Variants in MYOF observed in about 807,000 individuals in gnomAD.
The protein encoded by MYOF is myoferlin, also known as fer-1-like 3, myoferlin.
A neutral mutation model predicts 284.2 loss-of-function variants in MYOF; 244 were observed. The ratio of observed to expected loss-of-function variants is 0.86; its 90% CI spans 0.77 to 0.95. The LOEUF (loss-of-function observed/expected upper bound fraction) is 0.95, where lower values mean the gene tolerates loss of function less well. MYOF is among the 40% of genes least tolerant of loss of function. The probability of loss-of-function intolerance (pLI) is 0.00; values close to 1 mark genes in which losing one functional copy is unlikely to be tolerated. For synonymous variants in MYOF, 904 were observed against 919.7 expected (o/e 0.98, Z 0.31); for missense variants, 2,496 against 2,560.6 (o/e 0.97, Z 0.54).
chr10:93,355,190 G>A (rs1455317117), intron 31 of MYOF, among the ~76,000 whole-genome samples: 1 of 152,228 alleles, frequency 6.6e-6, no homozygotes, highest in Admixed American at 6.5e-5. Context: ...CATCAAGGAT[G>A]AAAATGAAAG....
chr10:93,338,400 A>ACCC (rs1418529104), intron 39 of MYOF: 6 of 456,606 alleles, frequency 1.3e-5, no homozygotes, highest in Non-Finnish European at 2.6e-5. Context: ...TATAAGCCAT[A>ACCC]CCCTTATGTT....
At chr10:93,450,542 C>G (rs1255236642) in intron 3 of MYOF, among the ~76,000 whole-genome samples, 1 of 152,150 alleles carries the variant, frequency 6.6e-6, no homozygotes, top group Non-Finnish European at 1.5e-5. Context: ...CCACTGCACT[C>G]CAGCCTGGGT....
intron 7 of MYOF, among the ~76,000 whole-genome samples, chr10:93,408,305 T>G (rs1391852560): frequency 6.6e-6 from 1 of 152,138 alleles, no homozygotes; most frequent in Non-Finnish European, 1.5e-5. Flanking sequence ...ATCCCAGCAC[T>G]TTGTTGGCGG....
rs187147696 is a variant in MYOF, at chr10:93,339,767, C to G, written c.4338+386G>C. On this transcript the variant is annotated intron_variant, in intron 39 of 53. Coordinates refer to ENST00000359263, the MANE Select transcript of MYOF (RefSeq NM_013451.4). ...TATAGGCGTGAGCCACTGTGCCCGGCCCCCCTAGATTTAGAAAAAAATTAT... is the reference window on the plus strand; with the variant it reads ...TATAGGCGTGAGCCACTGTGCCCGGGCCCCCTAGATTTAGAAAAAAATTAT... Among the ~76,000 whole-genome samples the G allele has an allele frequency of 5.7e-3, 871 of 152,094 alleles. 10 individuals are homozygous for G. The highest frequency in any genetic ancestry group is 0.02 in the African/African-American group (827 of 41,542).
intron 3 of MYOF, among the ~76,000 whole-genome samples, chr10:93,433,150 TTTTA>T (rs111782136): frequency 2.0e-5 from 3 of 151,702 alleles, no homozygotes; most frequent in African/African-American, 7.3e-5. Context: ...ATTTAGAATG[TTTTA>T]TTTATTTATT....
At chr10:93,446,697 G>C (rs192972046) in intron 3 of MYOF, among the ~76,000 whole-genome samples, 1 of 151,746 alleles carries the variant, frequency 6.6e-6, no homozygotes, top group African/African-American at 2.4e-5. Flanking sequence ...AACAATTCCC[G>C]TCATCATAAT....
At chr10:93,337,470 TGTG>T in intron 40 of MYOF, 1 of 226,674 alleles carries the variant, frequency 4.4e-6, no homozygotes, top group Non-Finnish European at 8.6e-6. Context: ...GTTGACATCT[TGTG>T]TCATTCTGCA....
chr10:93,413,007 T>G (rs1479386495), intron 5 of MYOF, among the ~76,000 whole-genome samples: 1 of 152,184 alleles, frequency 6.6e-6, no homozygotes. Flanking sequence ...ATCCTGGGCC[T>G]AAGTGGTACT....
rs572918559 is a variant in MYOF at position 93,322,799 on chromosome 10, C to T, written c.5456+279G>A. 3.6e-4 allele frequency among the ~76,000 whole-genome samples: 55 copies of T among 152,248 alleles called. No homozygotes were observed. In the South Asian group the frequency reaches 8.7e-3, roughly 24 times the overall value. Reference sequence around the variant, plus strand: ...AAACGTCCCAGAAATAATACATCTGCTTAAGAAACTGAAGAAAATCCATTT... The same window carrying T: ...AAACGTCCCAGAAATAATACATCTGTTTAAGAAACTGAAGAAAATCCATTT... On this transcript the variant is annotated intron_variant, in intron 48 of 53. Transcript: ENST00000359263.
chr10:93,388,295 G>A (rs1021889694), intron 18 of MYOF, among the ~76,000 whole-genome samples: 1 of 152,196 alleles, frequency 6.6e-6, no homozygotes, highest in African/African-American at 2.4e-5. Flanking sequence ...GCATTTATCT[G>A]GGTTAACTTG....
At chr10:93,465,757 C>G (rs1362432224) in intron 1 of MYOF, among the ~76,000 whole-genome samples, 1 of 151,978 alleles carries the variant, frequency 6.6e-6, no homozygotes, top group East Asian at 1.9e-4. Context: ...TCAGGTGATC[C>G]GCCCACCTCC....
chr10:93,382,198 A>G (rs1218105784), intron 19 of MYOF, among the ~76,000 whole-genome samples: 1 of 152,212 alleles, frequency 6.6e-6, no homozygotes, highest in Non-Finnish European at 1.5e-5. Context: ...TCTAACTTAT[A>G]CATTTTTAAT....
chr10:93,376,716 G>A (rs1431819485), intron 22 of MYOF, among the ~76,000 whole-genome samples: 1 of 152,090 alleles, frequency 6.6e-6, no homozygotes, highest in Non-Finnish European at 1.5e-5. Flanking sequence ...AGTTTGGAAC[G>A]AATCACTTCC....
At chr10:93,392,317 A>G (rs193154469) in intron 17 of MYOF, among the ~76,000 whole-genome samples, 1 of 152,332 alleles carries the variant, frequency 6.6e-6, no homozygotes, top group African/African-American at 2.4e-5. Context: ...TATCTGACAG[A>G]TAATGAACCT....
chr10:93,334,786 A>G (rs1453290434), intron 41 of MYOF, among the ~76,000 whole-genome samples: 1 of 152,142 alleles, frequency 6.6e-6, no homozygotes, highest in Admixed American at 6.5e-5. Flanking sequence ...CCCACAAAAG[A>G]ACTCAAAGAC....
intron 36 of MYOF, among the ~76,000 whole-genome samples, chr10:93,348,053 T>C (rs1160860286): frequency 1.3e-5 from 2 of 152,332 alleles, no homozygotes; most frequent in Non-Finnish European, 1.5e-5. Flanking sequence ...AGTAACATTG[T>C]TGAATTACTC....
intron 19 of MYOF, among the ~76,000 whole-genome samples, chr10:93,382,810 C>T (rs982187276): frequency 5.9e-5 from 9 of 152,232 alleles, no homozygotes; most frequent in African/African-American, 1.7e-4. Flanking sequence ...CCATGCAATA[C>T]GATCCGCATC....
In MYOF at chr10:93,408,929, G is replaced by A. The variant is rs1399504883; in HGVS notation, c.601-14C>T. On this transcript the variant is annotated splice_polypyrimidine_tract_variant and intron_variant, in intron 6 of 53. Transcript: ENST00000359263. ...TCGGACGCGGATCTGCAGCACAGAA[G>A]GGGGATGGTTACCCAACCTTTCCCA... 5 of 1,613,612 alleles carry A rather than the reference G, an allele frequency of 3.1e-6. No individual in the cohort carries two copies. The highest frequency in any genetic ancestry group is 4.5e-5 in the East Asian group (2 of 44,884).
chr10:93,388,006 T>C, intron 18 of MYOF, 93 bp from the exon 19 acceptor site: 1 of 953,874 alleles, frequency 1.0e-6, no homozygotes. Flanking sequence ...GCAAAAAGTT[T>C]CTCCTTCCCA....
Sources: gnomAD v4.1 joint callset for allele counts (sites outside exome capture counted in the v4.1 genomes callset) on GRCh38, gnomAD v4.1.1 for gene constraint, MANE v1.5 for transcripts, NCBI Gene and HGNC (gene_info 2026-07-23, HGNC 2026-07-21) for gene names.